The following AP2A1 variants were observed in gnomAD, a reference collection of about 807,000 sequenced individuals.
The protein encoded by AP2A1 is adaptor related protein complex 2 subunit alpha 1, also known as AP-2 complex subunit alpha-1.
A neutral mutation model predicts 107.3 loss-of-function variants in AP2A1; 21 were observed. The observed-to-expected ratio is 0.20, with a 90% CI of 0.14 to 0.28. The LOEUF is 0.28. AP2A1 is among the 10% of genes least tolerant of loss of function. The pLI, the probability that AP2A1 is intolerant of heterozygous loss-of-function variation, is 1.00. For synonymous variants in AP2A1, 602 were observed against 564.8 expected (o/e 1.07, Z -0.93); for missense variants, 873 against 1,307.7 (o/e 0.67, Z 5.13).
At chr19:49,783,087 A>G (rs1282656820) in intron 4 of AP2A1, among the ~76,000 whole-genome samples, 1 of 152,210 alleles carries the variant, frequency 6.6e-6, no homozygotes, top group African/African-American at 2.4e-5. Flanking sequence ...TGTGCCAGGC[A>G]CTGTGCTGAT....
At chr19:49,806,334 C>T in intron 22 of AP2A1, 81 bp downstream of exon 22, 1 of 1,461,838 alleles carries the variant, frequency 6.8e-7, no homozygotes, top group Non-Finnish European at 9.0e-7. Flanking sequence ...CCTCACTGTT[C>T]TTTAATTCAC....
Position 49,801,134 on chromosome 19 carries a change from C to CCCAGGGCAGGCAG in AP2A1, c.1553+76_1553+77insCCAGGGCAGGCAG, listed in dbSNP as rs1425402171. ...CAGGGCTTGGGGGATCCCCAGGGGT[C>CCCAGGGCAGGCAG]TCAGGGCAGGCAGTGATGGGCTCCC... is the stretch of plus-strand genomic sequence containing the variant. On this transcript the variant is annotated intron_variant, in intron 12 of 22. Transcript: ENST00000354293. 257 of 1,401,374 alleles carry CCCAGGGCAGGCAG rather than the reference C, an allele frequency of 1.8e-4. No individual in the cohort carries two copies. The East Asian group carries it at 6.2e-3, about 34-fold the overall frequency. The allele number at this position is 1,401,374 out of a possible 1,614,324, so 86.8% of individuals were successfully genotyped here.
intron 18 of AP2A1, 67 bp downstream of exon 18, chr19:49,803,443 G>T: frequency 3.1e-6 from 4 of 1,308,100 alleles, no homozygotes; most frequent in Non-Finnish European, 4.4e-6. Context: ...TGGGGAAGCC[G>T]GCTGACCCAG....
chr19:49,795,873 C>G (rs1234918231), intron 7 of AP2A1, 135 bp downstream of exon 7: 6 of 714,808 alleles, frequency 8.4e-6, no homozygotes, highest in Non-Finnish European at 1.4e-5. Flanking sequence ...GTTCCTCTGT[C>G]CCCTTACGTG....
In AP2A1 at chr19:49,805,765, A is replaced by G; in HGVS notation, c.2573A>G (p.Lys858Arg). ...GCCCAGGATTTCTTCCAGCGCTGGA[A>G]GCAGCTGAGCCTGTGAGGGGTGGGG... ...MAAQDFFQRW[K>R]QLSLPQQEAQ... Residue 858 changes from lysine (K) to arginine (R), a missense_variant, in exon 20 of 23, where the codon AAG becomes AGG. By Grantham distance (26) the Lys-to-Arg change is conservative (BLOSUM62 2). Transcript: ENST00000354293. 3.5e-6 allele frequency: 5 copies of G among 1,446,154 alleles called. No homozygotes were observed. The highest frequency in any genetic ancestry group is 4.6e-6 in the Non-Finnish European group (5 of 1,081,410). 89.6% of individuals were successfully genotyped at this position (1,446,154 alleles called of 1,614,324 possible). A position where few individuals can be genotyped will look rare whatever the true frequency, so the allele number is the denominator to read the frequency against.
chr19:49,784,825 A>C (rs1010850416), intron 4 of AP2A1, among the ~76,000 whole-genome samples: 1 of 151,826 alleles, frequency 6.6e-6, no homozygotes, highest in South Asian at 2.1e-4. Context: ...CTATGATCTC[A>C]TCACTGCACT....
In AP2A1 at chr19:49,805,369, G is replaced by A. The variant is rs2073352503; in HGVS notation, c.2345-84G>A. 5 of 1,417,960 alleles carry A rather than the reference G, an allele frequency of 3.5e-6. No homozygotes were observed. In the East Asian group the frequency reaches 1.3e-4, roughly 36 times the overall value. 87.8% of individuals were successfully genotyped at this position (1,417,960 alleles called of 1,614,324 possible). ...GTCCCTCAAAGACCTGCAGGCGGGA[G>A]CTGCCGGGAGCTCTGGGGTTCCTGA... On this transcript the variant is annotated intron_variant, in intron 18 of 22. Coordinates refer to ENST00000354293, the MANE Select transcript of AP2A1 (RefSeq NM_130787.3).
chr19:49,777,631 T>C (rs942442397), intron 1 of AP2A1, among the ~76,000 whole-genome samples: 13 of 126,908 alleles, frequency 1.0e-4, no homozygotes, highest in African/African-American at 3.2e-4. Context: ...CGAGACTCCA[T>C]CACAAAAAAA....
At chr19:49,797,404 C>T (rs182928541) in intron 7 of AP2A1, 3 of 152,308 alleles carry the variant, frequency 2.0e-5, no homozygotes, top group East Asian at 3.9e-4. Flanking sequence ...AAGTAAATTA[C>T]AGACATCATG....
At chr19:49,795,535 G>T in intron 6 of AP2A1, 95 bp from the exon 7 acceptor site, 6 of 798,558 alleles carry the variant, frequency 7.5e-6, no homozygotes, top group Non-Finnish European at 1.1e-5. Context: ...TGACAGCACT[G>T]CCCTTGGAAG....
chr19:49,781,636 C>T, intron 1 of AP2A1, 121 bp from the exon 2 acceptor site: 1 of 1,055,694 alleles, frequency 9.5e-7, no homozygotes, highest in South Asian at 1.5e-5. Flanking sequence ...GTCCTGAGCC[C>T]CAGGGCTTGG....
chr19:49,769,812 C>T (rs1051324680), intron 1 of AP2A1, among the ~76,000 whole-genome samples: 1 of 152,114 alleles, frequency 6.6e-6, no homozygotes, highest in African/African-American at 2.4e-5. Context: ...GTGTTGCAGG[C>T]CTCTGGGTGA....
intron 1 of AP2A1, among the ~76,000 whole-genome samples, chr19:49,769,747 G>C (rs2123656611): frequency 6.6e-6 from 1 of 152,336 alleles, no homozygotes; most frequent in African/African-American, 2.4e-5. Flanking sequence ...TCCTCTGGCT[G>C]CTGTGAGAAC....
rs1263978455 is a variant in AP2A1 at position 49,781,933 on chromosome 19, T to G, written c.137-14T>G. 6.2e-7 allele frequency: 1 copy of G among 1,611,838 alleles called. No individual in the cohort carries two copies. The highest frequency in any genetic ancestry group is 1.1e-5 in the South Asian group (1 of 90,872). Reference sequence around the variant, plus strand: ...CTTATTTCTGGCTCCCCTTTCCTCCTTCCTCTGCCCTAGGAGACAAAGCCT... The same window carrying G: ...CTTATTTCTGGCTCCCCTTTCCTCCGTCCTCTGCCCTAGGAGACAAAGCCT... On this transcript the variant is annotated splice_polypyrimidine_tract_variant and intron_variant, in intron 2 of 22. Transcript: ENST00000354293.
intron 5 of AP2A1, among the ~76,000 whole-genome samples, chr19:49,792,269 C>T (rs560661854): frequency 1.4e-5 from 2 of 140,636 alleles, no homozygotes; most frequent in Admixed American, 1.4e-4. Flanking sequence ...TCAGCCCTCA[C>T]GCCCCCTGGA....
At chr19:49,802,568 G>A in intron 15 of AP2A1, 1 of 1,605,706 alleles carries the variant, frequency 6.2e-7, no homozygotes. Flanking sequence ...GAGCCCCATG[G>A]CTTTGCTGGC....
At chr19:49,794,862 C>T (rs768646493) in intron 6 of AP2A1, among the ~76,000 whole-genome samples, 46 of 152,108 alleles carry the variant, frequency 3.0e-4, no homozygotes, top group Non-Finnish European at 6.0e-4. Flanking sequence ...GGGGTTTCAC[C>T]ATGTTGGTCA....
chr19:49,795,142 G>A (rs1398070478), intron 6 of AP2A1, among the ~76,000 whole-genome samples: 1 of 152,244 alleles, frequency 6.6e-6, no homozygotes, highest in Non-Finnish European at 1.5e-5. Context: ...TGTGTGCTCT[G>A]ACGGAGGAAG....
chr19:49,778,819 CAT>C (rs1228108991), intron 1 of AP2A1, among the ~76,000 whole-genome samples: 3 of 151,692 alleles, frequency 2.0e-5, no homozygotes, highest in African/African-American at 2.4e-5. Context: ...TTAAATAACA[CAT>C]ATTCTTTAAA....
Sources: allele counts gnomAD v4.1 joint callset (sites outside exome capture counted in the v4.1 genomes callset), GRCh38; gene constraint gnomAD v4.1.1; transcripts MANE v1.5; gene names NCBI Gene and HGNC (gene_info 2026-07-23, HGNC 2026-07-21).